FNBP1L: variants seen among roughly 807,000 people sequenced by gnomAD.
FNBP1L encodes the protein formin-binding protein 1-like.
In FNBP1L, 36 loss-of-function variants were observed where a neutral mutation model predicts 91.2. That is an observed-to-expected ratio of 0.39 (90% confidence interval 0.30 to 0.52). The LOEUF is 0.52. Among genes scored for constraint, FNBP1L ranks in the 20% least tolerant of loss-of-function variants. The pLI is 0.66. For missense variants in FNBP1L, 571 were observed against 732.1 expected, an observed-to-expected ratio of 0.78 and a Z score of 2.54; for synonymous variants, 242 against 237.0, an observed-to-expected ratio of 1.02 and a Z score of -0.19.
intron 1 of FNBP1L, among the ~76,000 whole-genome samples, chr1:93,475,058 A>G (rs555299982): frequency 1.3e-5 from 2 of 152,078 alleles, no homozygotes; most frequent in Admixed American, 1.3e-4. Context: ...TTTTAAGTGA[A>G]CAGAATCTGA....
chr1:93,517,936 G>T (rs929534608), intron 2 of FNBP1L, among the ~76,000 whole-genome samples: 1 of 152,170 alleles, frequency 6.6e-6, no homozygotes, highest in African/African-American at 2.4e-5. Flanking sequence ...GTAAAGTCAG[G>T]CTAATAATAT....
intron 11 of FNBP1L, among the ~76,000 whole-genome samples, chr1:93,541,309 C>T (rs1025723473): frequency 1.3e-5 from 2 of 151,902 alleles, no homozygotes; most frequent in African/African-American, 4.8e-5. Context: ...TACAGAGGAG[C>T]GTAAAATTGT....
intron 1 of FNBP1L, among the ~76,000 whole-genome samples, chr1:93,458,583 C>T (rs1668753567): frequency 6.6e-6 from 1 of 152,026 alleles, no homozygotes. Context: ...TTAGTTATGA[C>T]TCCAAAAACA....
rs1239707237 is a variant in FNBP1L at position 93,538,208 on chromosome 1, A to G, written c.1149+1718A>G. The stretch of plus-strand genomic sequence containing the variant: ...GTAATTCTAAGGAAAAAAAAAACTC[A>G]GGCAATTAGAGCTATGAACCCTGGA... On this transcript the variant is annotated intron_variant, in intron 10 of 16. Transcript: ENST00000271234. Among the ~76,000 whole-genome samples, 3 of 151,644 alleles carry G rather than the reference A, an allele frequency of 2.0e-5. No individual in the cohort carries two copies. In the East Asian group the frequency reaches 5.8e-4, roughly 29 times the overall value.
chr1:93,511,588 C>A (rs1364979522), intron 2 of FNBP1L, among the ~76,000 whole-genome samples: 2 of 152,134 alleles, frequency 1.3e-5, no homozygotes, highest in Non-Finnish European at 2.9e-5. Context: ...ATGACAGGAT[C>A]AAATTCACAC....
At chr1:93,503,229 G>GA (rs1670494987) in intron 2 of FNBP1L, among the ~76,000 whole-genome samples, 1 of 152,142 alleles carries the variant, frequency 6.6e-6, no homozygotes, top group Admixed American at 6.5e-5. Context: ...GGAAGGAGAA[G>GA]AATAAGTGCC....
intron 1 of FNBP1L, among the ~76,000 whole-genome samples, chr1:93,463,040 G>C (rs1668927293): frequency 6.6e-6 from 1 of 152,036 alleles, no homozygotes; most frequent in South Asian, 2.1e-4. Flanking sequence ...TTTGTACTTT[G>C]AGTTATAATC....
At chr1:93,470,887 A>T (rs1328232651) in intron 1 of FNBP1L, among the ~76,000 whole-genome samples, 1 of 151,930 alleles carries the variant, frequency 6.6e-6, no homozygotes, top group Admixed American at 6.6e-5. Context: ...AAAAAAAAAA[A>T]AAGTCCAGGA....
chr1:93,507,951 G>GTTT (rs79539949), intron 2 of FNBP1L, among the ~76,000 whole-genome samples: 1 of 138,970 alleles, frequency 7.2e-6, no homozygotes, highest in South Asian at 2.3e-4. Context: ...CCCTGGCCTA[G>GTTT]TTTTTTTTTT....
chr1:93,526,493 A>T (rs554411630), intron 5 of FNBP1L, among the ~76,000 whole-genome samples: 1 of 152,284 alleles, frequency 6.6e-6, no homozygotes, highest in East Asian at 1.9e-4. Flanking sequence ...ATCCCATTTT[A>T]TCAGGGAAGG....
chr1:93,489,239 C>T (rs764554583), intron 1 of FNBP1L, among the ~76,000 whole-genome samples: 8 of 151,724 alleles, frequency 5.3e-5, no homozygotes, highest in Non-Finnish European at 1.0e-4. Flanking sequence ...ATTATAATGA[C>T]GGCTTAGGGA....
chr1:93,540,065 C>CGT (rs148162601), intron 10 of FNBP1L, among the ~76,000 whole-genome samples: 4,182 of 151,800 alleles, frequency 0.028, 198 homozygotes, highest in African/African-American at 0.096. Context: ...TCTGGGTCAC[C>CGT]GTGTGTGTGT....
At chr1:93,547,282 A>C in intron 13 of FNBP1L, 65 bp from the exon 14 acceptor site, 1 of 1,217,112 alleles carries the variant, frequency 8.2e-7, no homozygotes, top group Non-Finnish European at 1.2e-6. Flanking sequence ...TTTTAAATGT[A>C]GATATCTTAT....
intron 15 of FNBP1L, 76 bp from the exon 16 acceptor site, chr1:93,550,871 T>A: frequency 7.6e-7 from 1 of 1,320,504 alleles, no homozygotes; most frequent in Non-Finnish European, 1.0e-6. Context: ...TTTCATTGTA[T>A]TTTGTGCATT....
intron 12 of FNBP1L, among the ~76,000 whole-genome samples, chr1:93,545,180 AACACTAG>A (rs1303035794): frequency 6.6e-6 from 1 of 152,158 alleles, no homozygotes; most frequent in East Asian, 1.9e-4. Context: ...TGTGCTTCAG[AACACTAG>A]ACAGCACTTG....
chr1:93,451,088 T>C (rs1668479076), intron 1 of FNBP1L, among the ~76,000 whole-genome samples: 1 of 152,240 alleles, frequency 6.6e-6, no homozygotes, highest in Non-Finnish European at 1.5e-5. Context: ...AGTTTTGCAT[T>C]GTATTCTGGG....
In FNBP1L at chr1:93,544,709, C is replaced by T. The variant is rs150470930; in HGVS notation, c.1274+493C>T. Among the ~76,000 whole-genome samples the T allele has an allele frequency of 1.5e-4, 23 of 152,156 alleles. No homozygotes were observed. In the East Asian group the frequency reaches 4.2e-3, roughly 28 times the overall value. On this transcript the variant is annotated intron_variant, in intron 12 of 16. Transcript: ENST00000271234. ...AAAATAGACATAGAAGAATTATTCA[C>T]GATCATTAAAGTGTTATTACAATGA...
chr1:93,505,529 A>C (rs892115276), intron 2 of FNBP1L, among the ~76,000 whole-genome samples: 2 of 152,226 alleles, frequency 1.3e-5, no homozygotes, highest in Non-Finnish European at 2.9e-5. Flanking sequence ...CTTTTAAATA[A>C]GGAAGAGGAA....
chr1:93,540,862 G>A (rs1025859192), intron 10 of FNBP1L, among the ~76,000 whole-genome samples, 180 bp from the exon 11 acceptor site: 61 of 79,540 alleles, frequency 7.7e-4, no homozygotes, highest in African/African-American at 2.7e-3. Flanking sequence ...TTTTTTTTTT[G>A]CAAGTAATTT....
Sources: allele counts gnomAD v4.1 joint callset (sites outside exome capture counted in the v4.1 genomes callset), GRCh38; gene constraint gnomAD v4.1.1; transcripts MANE v1.5; gene names NCBI Gene and HGNC (gene_info 2026-07-23, HGNC 2026-07-21).